ZMYND8: variants seen among roughly 807,000 people sequenced by gnomAD.
The protein encoded by ZMYND8 is zinc finger MYND-type containing 8, also known as MYND-type zinc finger-containing chromatin reader ZMYND8.
ZMYND8 carries 37 observed loss-of-function variants against 140.8 expected under a neutral mutation model. The observed-to-expected ratio is 0.26, with a 90% CI of 0.20 to 0.35. ZMYND8 has a LOEUF of 0.35. Ranked by LOEUF, ZMYND8 falls within the 10% of genes least tolerant of loss-of-function variation. The pLI is 1.00. For synonymous variants in ZMYND8, 592 were observed against 597.1 expected (o/e 0.99, Z 0.12); for missense variants, 1,068 against 1,570.0 (o/e 0.68, Z 5.40).
intron 16 of ZMYND8, among the ~76,000 whole-genome samples, chr20:47,232,720 C>T (rs2038677170): frequency 6.6e-6 from 1 of 152,050 alleles, no homozygotes; most frequent in Admixed American, 6.6e-5. Context: ...GTAAGGACAA[C>T]CGAAGGTAGA....
intron 21 of ZMYND8, among the ~76,000 whole-genome samples, chr20:47,214,177 G>T (rs555533605): frequency 6.6e-6 from 1 of 152,238 alleles, no homozygotes; most frequent in South Asian, 2.1e-4. Context: ...CAGAAAGCAA[G>T]TGCTGGCAGA....
chr20:47,346,622 T>A (rs2082354474), intron 2 of ZMYND8, among the ~76,000 whole-genome samples: 1 of 152,114 alleles, frequency 6.6e-6, no homozygotes, highest in Non-Finnish European at 1.5e-5. Flanking sequence ...TCTTTTTTTT[T>A]TTGAGATGGA....
At chr20:47,316,200 G>A (rs996955076) in intron 2 of ZMYND8, among the ~76,000 whole-genome samples, 1 of 151,844 alleles carries the variant, frequency 6.6e-6, no homozygotes, top group Non-Finnish European at 1.5e-5. Context: ...ATGTGATGGT[G>A]AGCACCTATA....
At chr20:47,351,372 A>G (rs746413026) in intron 1 of ZMYND8, among the ~76,000 whole-genome samples, 23 of 152,132 alleles carry the variant, frequency 1.5e-4, no homozygotes, top group Non-Finnish European at 2.8e-4. Context: ...AAGTGCCCCT[A>G]CTATTTGACT....
chr20:47,236,387 T>G lies in ZMYND8; in HGVS notation c.2795A>C (p.Asp932Ala). ...MSTLVSSVNA[D>A]LPIATASADV... ...AGCTGAGGCAGTGGCGATGGGCAGG[T>G]CAGCGTTGACTGAGGACACAAGGGT... Residue 932 changes from aspartate (D) to alanine (A), a missense_variant, in exon 16 of 23, where the codon GAC (aspartate) becomes GCC (alanine). This residue lies in a region of ZMYND8 where 383 missense variants were observed against 431.2 expected (regional missense o/e 0.89). Coordinates refer to ENST00000471951, the MANE Select transcript of ZMYND8 (RefSeq NM_001281775.3). The G allele has an allele frequency of 6.2e-7, 1 of 1,614,156 alleles. No homozygotes were observed. Among genetic ancestry groups the G allele is most frequent in the Non-Finnish European group, 8.5e-7 (1 of 1,180,012 alleles).
At chr20:47,307,453 C>T (rs950106454) in intron 3 of ZMYND8, among the ~76,000 whole-genome samples, 1 of 151,752 alleles carries the variant, frequency 6.6e-6, no homozygotes, top group African/African-American at 2.4e-5. Context: ...AGAGAAACTC[C>T]GTCTCAAAAA....
intron 2 of ZMYND8, among the ~76,000 whole-genome samples, chr20:47,315,173 C>A (rs946704404): frequency 6.6e-6 from 1 of 152,180 alleles, no homozygotes; most frequent in African/African-American, 2.4e-5. Context: ...AAGGGACTAT[C>A]ACCCAAGCCC....
chr20:47,288,360 A>G (rs2077048292), intron 7 of ZMYND8, among the ~76,000 whole-genome samples: 1 of 146,450 alleles, frequency 6.8e-6, no homozygotes, highest in Non-Finnish European at 1.5e-5. Flanking sequence ...GGGCCTTTCT[A>G]TATATTTGAG....
At chr20:47,284,693 T>C (rs1175257489) in intron 8 of ZMYND8, among the ~76,000 whole-genome samples, 2 of 152,156 alleles carry the variant, frequency 1.3e-5, no homozygotes, top group Admixed American at 1.3e-4. Flanking sequence ...TCAGCTCCAC[T>C]GACGACAATC....
chr20:47,300,574 A>T (rs1476040360), intron 3 of ZMYND8, among the ~76,000 whole-genome samples: 1 of 152,168 alleles, frequency 6.6e-6, no homozygotes, highest in Non-Finnish European at 1.5e-5. Flanking sequence ...AAATCATATT[A>T]CTCTAAGTAA....
At chr20:47,249,904 T>C (rs2147335693) in intron 12 of ZMYND8, among the ~76,000 whole-genome samples, 1 of 152,158 alleles carries the variant, frequency 6.6e-6, no homozygotes, top group East Asian at 1.9e-4. Context: ...ACCCTGATAA[T>C]TGGGGGCCCT....
At chr20:47,218,167 A>G (rs912270184) in intron 21 of ZMYND8, among the ~76,000 whole-genome samples, 1 of 151,998 alleles carries the variant, frequency 6.6e-6, no homozygotes, top group African/African-American at 2.4e-5. Context: ...TCTAGGTAAT[A>G]CTCCTCCAGC....
At chr20:47,318,851 G>C in intron 2 of ZMYND8, 2 of 885,688 alleles carry the variant, frequency 2.3e-6, no homozygotes, top group Non-Finnish European at 3.2e-6. Flanking sequence ...GGAATGAAAG[G>C]TCACTCTCAA....
chr20:47,345,258 G>C (rs2082245016), intron 2 of ZMYND8, among the ~76,000 whole-genome samples: 1 of 152,128 alleles, frequency 6.6e-6, no homozygotes, highest in Admixed American at 6.6e-5. Context: ...AGATCACAAT[G>C]AGAAATGGGC....
chr20:47,350,238 G>A (rs2082657651), intron 1 of ZMYND8, among the ~76,000 whole-genome samples: 1 of 145,472 alleles, frequency 6.9e-6, no homozygotes. Flanking sequence ...CTTTCAAAAG[G>A]AACCCGTGCA....
intron 16 of ZMYND8, among the ~76,000 whole-genome samples, chr20:47,235,249 G>T (rs990716050): frequency 6.6e-6 from 1 of 152,178 alleles, no homozygotes; most frequent in Admixed American, 6.5e-5. Flanking sequence ...TTGGCAGTGA[G>T]CAAAACAGAC....
chr20:47,315,266 TGA>T (rs1165222765), intron 2 of ZMYND8, among the ~76,000 whole-genome samples: 1 of 152,158 alleles, frequency 6.6e-6, no homozygotes, highest in East Asian at 1.9e-4. Flanking sequence ...TGCCCACACC[TGA>T]GAGTATTCCA....
chr20:47,284,600 C>T (rs952519764), intron 8 of ZMYND8, among the ~76,000 whole-genome samples: 2 of 152,118 alleles, frequency 1.3e-5, no homozygotes, highest in Non-Finnish European at 2.9e-5. Context: ...GCTCCCCAAC[C>T]CCTTCCAGCC....
intron 21 of ZMYND8, among the ~76,000 whole-genome samples, chr20:47,215,161 T>G (rs746721399): frequency 5.3e-5 from 8 of 152,160 alleles, no homozygotes; most frequent in Admixed American, 3.3e-4. Context: ...TTGCCTGAGC[T>G]CAGGAGTTCG....
Sources: allele counts gnomAD v4.1 joint callset (sites outside exome capture counted in the v4.1 genomes callset), GRCh38; gene constraint gnomAD v4.1.1; regional missense constraint gnomAD v4.1.1; transcripts MANE v1.5; gene names NCBI Gene and HGNC (gene_info 2026-07-23, HGNC 2026-07-21).